The following SNX31 variants were observed in gnomAD, a reference collection of about 807,000 sequenced individuals.
SNX31 encodes sorting nexin 31, also known as sorting nexin-31.
A neutral mutation model predicts 65.4 loss-of-function variants in SNX31; 58 were observed. The observed-to-expected ratio is 0.89, with a 90% confidence interval of 0.72 to 1.10. The LOEUF (loss-of-function observed/expected upper bound fraction) is 1.10, where lower values mean the gene tolerates loss of function less well. Ranked by LOEUF, SNX31 falls within the 50% of genes least tolerant of loss-of-function variation. The pLI is 0.00. For missense variants in SNX31, 523 were observed against 529.7 expected (o/e 0.99, Z 0.12); for synonymous variants, 181 against 190.1 (o/e 0.95, Z 0.39).
upstream of SNX31, among the ~76,000 whole-genome samples, chr8:100,650,465 C>T (rs1377790173): frequency 1.3e-5 from 2 of 152,146 alleles, no homozygotes; most frequent in Non-Finnish European, 2.9e-5. Flanking sequence ...TTTCATGGGT[C>T]TGAGTCGTTT....
At chr8:100,596,594 T>G in intron 10 of SNX31, 45 bp downstream of exon 10, 1 of 1,544,586 alleles carries the variant, frequency 6.5e-7, no homozygotes, top group South Asian at 1.1e-5. Context: ...CCAAGGGTAC[T>G]AGGATTTTTA....
chr8:100,608,809 G>A (rs1816433721), intron 7 of SNX31, among the ~76,000 whole-genome samples: 1 of 152,150 alleles, frequency 6.6e-6, no homozygotes, highest in South Asian at 2.1e-4. Context: ...AAGCTTTAGG[G>A]GAATGGTCTG....
rs1817012577 is a variant in SNX31, at chr8:100,614,630, T to C, written c.433-1545A>G. 6.6e-6 allele frequency among the ~76,000 whole-genome samples: 1 copy of C among 152,128 alleles called. No individual in the cohort carries two copies. Among genetic ancestry groups the C allele is most frequent in the African/African-American group, 2.4e-5 (1 of 41,424 alleles). ...TGGCTCATGCCTGTAATCCCAGCAC[T>C]TTGGAAGGCTGAGGCGGGTTGATCA... On this transcript the variant is annotated intron_variant, in intron 5 of 13. Coordinates refer to ENST00000311812, the MANE Select transcript of SNX31 (RefSeq NM_152628.4). The surrounding 1 kb of genome is among the most constrained non-coding windows in gnomAD (Gnocchi z 5.1).
At chr8:100,600,206 A>T in intron 9 of SNX31, 143 bp downstream of exon 9, 1 of 665,018 alleles carries the variant, frequency 1.5e-6, no homozygotes, top group South Asian at 1.7e-5. Context: ...ACTCAGAACA[A>T]TCAATGAAGA....
In SNX31 at chr8:100,625,532, T is replaced by G. The variant is rs1010749195; in HGVS notation, c.321+4795A>C. 3.3e-5 allele frequency among the ~76,000 whole-genome samples: 5 copies of G among 152,286 alleles called. No individual in the cohort carries two copies. The highest frequency in any genetic ancestry group is 1.2e-4 in the African/African-American group (5 of 41,546). On this transcript the variant is annotated intron_variant, in intron 4 of 13. Transcript: ENST00000311812. This position sits in a 1 kb window ranked among gnomAD's most constrained non-coding sequence, Gnocchi z 4.2. The stretch of plus-strand genomic sequence containing the variant: ...CAAAAAGAGCACATATTTTGAAAAG[T>G]GTTAAGGTTCTGGGAAGTGACTGTT...
chr8:100,591,487 TCAA>T (rs1320578505), intron 10 of SNX31, among the ~76,000 whole-genome samples: 1 of 62,406 alleles, frequency 1.6e-5, no homozygotes, highest in Admixed American at 2.3e-4. Flanking sequence ...AGACTCCGTC[TCAA>T]AAAAAAAAAA....
intron 2 of SNX31, among the ~76,000 whole-genome samples, chr8:100,643,440 A>G (rs1220801447): frequency 6.6e-6 from 1 of 151,834 alleles, no homozygotes. Context: ...CATTCTTCCC[A>G]CCTCTCCAAG....
At chr8:100,661,056 A>T (rs1028966493) in intron 1 of SNX31, among the ~76,000 whole-genome samples, 4 of 143,364 alleles carry the variant, frequency 2.8e-5, no homozygotes, top group African/African-American at 1.1e-4. Flanking sequence ...CCCAGGCTGG[A>T]GTGCAGTGGC....
chr8:100,641,565 A>AATATATATATATAT (rs1237945389), intron 2 of SNX31, among the ~76,000 whole-genome samples: 5 of 32,100 alleles, frequency 1.6e-4, no homozygotes, highest in South Asian at 1.2e-3. Context: ...AAAAAAAAAA[A>AATATATATATATAT]ATATATATAT....
At chr8:100,663,350 C>A (rs999000593) in exon 1 of SNX31, 1 of 152,214 alleles carries the variant, frequency 6.6e-6, no homozygotes, top group Non-Finnish European at 1.5e-5. Context: ...AGAAATAGCT[C>A]TTTTCTCGAC....
rs1356601306 is a variant in SNX31 at position 100,576,211 on chromosome 8, T to TA, written c.1227+807dup. ...CATTCAAGAAAGGACTTTATATACTTACATATTTATAAATACTGTACATAT... is the reference window on the plus strand; with the variant it reads ...CATTCAAGAAAGGACTTTATATACTTAACATATTTATAAATACTGTACATAT... On this transcript the variant is annotated intron_variant, in intron 13 of 13. Coordinates refer to ENST00000311812, the MANE Select transcript of SNX31 (RefSeq NM_152628.4). The surrounding 1 kb of genome is among the most constrained non-coding windows in gnomAD (Gnocchi z 4.8). Among the ~76,000 whole-genome samples, 26 of 152,346 alleles carry TA rather than the reference T, an allele frequency of 1.7e-4. No homozygotes were observed. The highest frequency in any genetic ancestry group is 5.8e-4 in the African/African-American group (24 of 41,578).
At chr8:100,641,564 AAATATAT>A (rs1819196402) in intron 2 of SNX31, among the ~76,000 whole-genome samples, 3 of 26,824 alleles carry the variant, frequency 1.1e-4, no homozygotes, top group African/African-American at 8.8e-4. Flanking sequence ...AAAAAAAAAA[AAATATAT>A]ATATATATAT....
In SNX31 at chr8:100,608,489, C is replaced by T. The variant is rs753175242; in HGVS notation, c.681+5G>A. On this transcript the variant is annotated splice_donor_5th_base_variant and intron_variant, in intron 8 of 13. Transcript: ENST00000311812. The stretch of plus-strand genomic sequence containing the variant: ...GGTGCTGTCTGAGCTCTTGGTGACC[C>T]TCACCTGCATGTAGAGCAAATCTAC... 3.7e-6 allele frequency: 6 copies of T among 1,613,850 alleles called. No homozygotes were observed. The highest frequency in any genetic ancestry group is 5.1e-6 in the Non-Finnish European group (6 of 1,179,904).
chr8:100,623,636 A>T (rs6993222), intron 4 of SNX31, among the ~76,000 whole-genome samples: 2,477 of 152,090 alleles, frequency 0.016, 67 homozygotes, highest in African/African-American at 0.056. Context: ...TCTTTCTTTG[A>T]CCTACACTCA....
At chr8:100,618,161 C>T in intron 4 of SNX31, 1 of 984,848 alleles carries the variant, frequency 1.0e-6, no homozygotes, top group Non-Finnish European at 1.2e-6. Flanking sequence ...CCAAAGTTCC[C>T]AAGAGACAAG....
In SNX31 at chr8:100,573,113, A is replaced by G. The variant is rs113055253; in HGVS notation, c.*752T>C. On this transcript the variant is annotated 3_prime_UTR_variant, in exon 14 of 14. Coordinates refer to ENST00000311812, the MANE Select transcript of SNX31 (RefSeq NM_152628.4). ...ACATATTTTTAAAGCTAAGAGAATT[A>G]TAAGGTATCTGATATCAGGTGCAGA... is the stretch of plus-strand genomic sequence containing the variant. The G allele has an allele frequency of 4.6e-5, 7 of 152,714 alleles. No homozygotes were observed. The highest frequency in any genetic ancestry group is 1.7e-4 in the African/African-American group (7 of 41,556). 9.5% of individuals were successfully genotyped at this position (152,714 alleles called of 1,614,324 possible).
At chr8:100,592,548 T>C (rs1400148100) in intron 10 of SNX31, among the ~76,000 whole-genome samples, 2 of 152,204 alleles carry the variant, frequency 1.3e-5, no homozygotes, top group Non-Finnish European at 2.9e-5. Flanking sequence ...GCAGCCACTT[T>C]GGAAACTAGG....
chr8:100,643,421 A>C (rs1342556191), intron 2 of SNX31, among the ~76,000 whole-genome samples: 2 of 152,200 alleles, frequency 1.3e-5, no homozygotes, highest in African/African-American at 2.4e-5. Flanking sequence ...TCTGTTTCTA[A>C]TGTCGACTCA....
At chr8:100,649,666 A>C (rs1248071833), upstream of SNX31, 1 of 673,414 alleles carries the variant, frequency 1.5e-6, no homozygotes, top group Non-Finnish European at 2.4e-6. Flanking sequence ...GGGGACATCT[A>C]CAGGTGGGGC....
Sources: gnomAD v4.1 joint callset for allele counts (sites outside exome capture counted in the v4.1 genomes callset) on GRCh38, gnomAD v4.1.1 for gene constraint, Gnocchi (gnomAD v3.1) non-coding constraint, MANE v1.5 for transcripts, NCBI Gene and HGNC (gene_info 2026-07-23, HGNC 2026-07-21) for gene names.